PDE4D: variants seen among roughly 807,000 people sequenced by gnomAD.
PDE4D encodes phosphodiesterase 4D, also known as 3',5'-cyclic-AMP phosphodiesterase 4D.
Under a neutral mutation model 87.4 loss-of-function variants are expected in PDE4D, and 24 were observed. The observed-to-expected ratio is 0.27, with a 90% confidence interval of 0.20 to 0.39. The LOEUF is 0.39. Among genes scored for constraint, PDE4D ranks in the 10% least tolerant of loss-of-function variants. The probability of loss-of-function intolerance (pLI) is 1.00; values close to 1 mark genes in which losing one functional copy is unlikely to be tolerated. For synonymous variants in PDE4D, 384 were observed against 383.2 expected, an observed-to-expected ratio of 1.00 and a Z score of -0.02; for missense variants, 714 against 1,041.0, an observed-to-expected ratio of 0.69 and a Z score of 4.32.
chr5:59,870,207 GCCCAA>G (rs1319353965), intron 1 of PDE4D, among the ~76,000 whole-genome samples: 2 of 152,122 alleles, frequency 1.3e-5, no homozygotes, highest in Non-Finnish European at 2.9e-5. Context: ...TGCCACATTG[GCCCAA>G]CCTTGATAGA....
chr5:60,311,649 C>G (rs1026195463), intron 1 of PDE4D, among the ~76,000 whole-genome samples: 12 of 152,282 alleles, frequency 7.9e-5, no homozygotes, highest in East Asian at 7.7e-4. Context: ...TATAAAGCAA[C>G]TCCACAATCA....
At chr5:59,360,193 G>A (rs1447029789) in intron 1 of PDE4D, among the ~76,000 whole-genome samples, 5 of 152,094 alleles carry the variant, frequency 3.3e-5, no homozygotes, top group Non-Finnish European at 5.9e-5. Context: ...TAAGTTAAAC[G>A]TAATCCACAT....
intron 1 of PDE4D, among the ~76,000 whole-genome samples, chr5:59,289,472 T>C (rs34738): frequency 0.22 from 33,695 of 151,694 alleles, 5,217 homozygotes; most frequent in East Asian, 0.66. Context: ...GAATAAGCAT[T>C]TGATAAAATT....
intron 3 of PDE4D, among the ~76,000 whole-genome samples, chr5:59,923,989 A>G (rs1238288761): frequency 6.6e-6 from 1 of 152,228 alleles, no homozygotes; most frequent in Non-Finnish European, 1.5e-5. Context: ...TCAAGATAAT[A>G]CAGAGAAAGA....
At chr5:59,672,885 T>A (rs1747455514) in intron 1 of PDE4D, among the ~76,000 whole-genome samples, 1 of 152,200 alleles carries the variant, frequency 6.6e-6, no homozygotes, top group East Asian at 1.9e-4. Flanking sequence ...TGCTTTGAAA[T>A]CATAACAAGA....
chr5:60,419,537 A>AT (rs967562057), intron 1 of PDE4D, among the ~76,000 whole-genome samples: 3 of 151,534 alleles, frequency 2.0e-5, no homozygotes, highest in African/African-American at 7.3e-5. Context: ...TAGAAGAGAG[A>AT]TTTTTTGCTA....
At chr5:59,604,249 C>T (rs928066272) in intron 1 of PDE4D, among the ~76,000 whole-genome samples, 33 of 151,952 alleles carry the variant, frequency 2.2e-4, no homozygotes, top group African/African-American at 4.8e-4. Flanking sequence ...TTAATTTTTT[C>T]GTCTGGAAAA....
At chr5:59,199,949 T>C (rs56334860) in intron 2 of PDE4D, among the ~76,000 whole-genome samples, 18,851 of 151,524 alleles carry the variant, frequency 0.12, 1,682 homozygotes, top group African/African-American at 0.26. Flanking sequence ...CATATATACA[T>C]ACATGTATAC....
chr5:59,166,595 A>T (rs903972832), intron 5 of PDE4D, among the ~76,000 whole-genome samples: 2 of 152,198 alleles, frequency 1.3e-5, no homozygotes, highest in African/African-American at 4.8e-5. Flanking sequence ...CATTGCCATC[A>T]TTGTAATGAT....
chr5:60,515,620 C>T (rs73759317), intron 1 of PDE4D, among the ~76,000 whole-genome samples: 12,129 of 53,376 alleles, frequency 0.23, 1,317 homozygotes, highest in African/African-American at 0.46. Context: ...TTTTTTTTTT[C>T]TGTCAGGATG....
chr5:59,882,467 T>C (rs1749566141), intron 1 of PDE4D, among the ~76,000 whole-genome samples: 1 of 152,182 alleles, frequency 6.6e-6, no homozygotes, highest in African/African-American at 2.4e-5. Flanking sequence ...CTAGGTAATA[T>C]TGTTATCATG....
intron 3 of PDE4D, among the ~76,000 whole-genome samples, chr5:59,192,608 G>T (rs1339863365): frequency 6.6e-6 from 1 of 152,058 alleles, no homozygotes; most frequent in Admixed American, 6.5e-5. Context: ...TATGATATAG[G>T]CCTGATTATA....
chr5:60,061,805 A>T (rs1337296370), intron 2 of PDE4D, among the ~76,000 whole-genome samples: 2 of 152,194 alleles, frequency 1.3e-5, no homozygotes, highest in Non-Finnish European at 2.9e-5. Flanking sequence ...GACAAAAACA[A>T]GCAATGGGGA....
chr5:59,984,537 G>T (rs1311508840), intron 3 of PDE4D, among the ~76,000 whole-genome samples: 1 of 152,154 alleles, frequency 6.6e-6, no homozygotes, highest in African/African-American at 2.4e-5. Flanking sequence ...ATACTCAAAA[G>T]AAATTGTTAA....
intron 1 of PDE4D, among the ~76,000 whole-genome samples, chr5:59,368,713 C>T (rs1179276458): frequency 6.6e-6 from 1 of 152,128 alleles, no homozygotes; most frequent in African/African-American, 2.4e-5. Flanking sequence ...TGACTCAAAA[C>T]AGGAGAGAAA....
At chr5:59,497,382 T>C (rs940507280) in intron 1 of PDE4D, among the ~76,000 whole-genome samples, 3 of 151,950 alleles carry the variant, frequency 2.0e-5, no homozygotes, top group Non-Finnish European at 4.4e-5. Flanking sequence ...ATTCAGAATC[T>C]AGATGGCAAA....
chr5:59,834,526 A>G (rs1741711256), intron 1 of PDE4D, among the ~76,000 whole-genome samples: 1 of 152,048 alleles, frequency 6.6e-6, no homozygotes, highest in South Asian at 2.1e-4. Flanking sequence ...AAAACTGTAA[A>G]TGCAAACCAG....
intron 3 of PDE4D, among the ~76,000 whole-genome samples, chr5:59,907,096 G>A (rs1752915155): frequency 6.6e-6 from 1 of 152,268 alleles, no homozygotes; most frequent in South Asian, 2.1e-4. Context: ...GATGGAGTTG[G>A]AGGACATTAT....
chr5:59,980,046 A>G (rs1761755368), intron 3 of PDE4D, among the ~76,000 whole-genome samples: 1 of 152,214 alleles, frequency 6.6e-6, no homozygotes, highest in South Asian at 2.1e-4. Context: ...GGTCATGTTA[A>G]GTTTGAATCA....
Sources: gnomAD v4.1 joint callset for allele counts (sites outside exome capture counted in the v4.1 genomes callset) on GRCh38, gnomAD v4.1.1 for gene constraint, MANE v1.5 for transcripts, NCBI Gene and HGNC (gene_info 2026-07-23, HGNC 2026-07-21) for gene names.